CCDC7: variants seen among roughly 807,000 people sequenced by gnomAD.
CCDC7 encodes the protein coiled-coil domain containing 7.
A neutral mutation model predicts 196.9 loss-of-function variants in CCDC7; 183 were observed. The observed-to-expected ratio is 0.93, with a 90% CI of 0.82 to 1.05. The LOEUF (loss-of-function observed/expected upper bound fraction) is 1.05, where lower values mean the gene tolerates loss of function less well. Ranked by LOEUF, CCDC7 falls within the 50% of genes least tolerant of loss-of-function variation. The pLI, the probability that CCDC7 is intolerant of heterozygous loss-of-function variation, is 0.00. For missense variants in CCDC7, 1,540 were observed against 1,482.2 expected (o/e 1.04, Z -0.64); for synonymous variants, 525 against 484.6 (o/e 1.08, Z -1.10).
chr10:32,790,577 T>G (rs1179483332), intron 29 of CCDC7, among the ~76,000 whole-genome samples: 1 of 152,196 alleles, frequency 6.6e-6, no homozygotes, highest in African/African-American at 2.4e-5. Flanking sequence ...CTGGGTTACC[T>G]CCTCTCTCAA....
At chr10:32,875,779 G>A (rs557722136) in intron 41 of CCDC7, among the ~76,000 whole-genome samples, 61 of 152,050 alleles carry the variant, frequency 4.0e-4, no homozygotes, top group African/African-American at 1.2e-3. Context: ...GCCTAAAATG[G>A]ACTTGCTGTT....
intron 31 of CCDC7, among the ~76,000 whole-genome samples, chr10:32,818,167 A>G (rs1367558880): frequency 3.3e-5 from 5 of 152,186 alleles, no homozygotes; most frequent in African/African-American, 4.8e-5. Flanking sequence ...TGGAAAACAA[A>G]AAAAGGCAAG....
chr10:32,447,219 A>AG (rs1287743344), upstream of CCDC7, among the ~76,000 whole-genome samples: 1 of 152,106 alleles, frequency 6.6e-6, no homozygotes, highest in East Asian at 1.9e-4. Flanking sequence ...GCCGTTCTTC[A>AG]GGTTACAAAT....
chr10:32,755,982 C>T (rs1350539261), intron 28 of CCDC7, among the ~76,000 whole-genome samples: 4 of 151,948 alleles, frequency 2.6e-5, no homozygotes, highest in Admixed American at 6.6e-5. Context: ...GTAGCCAATT[C>T]AATCAAGTGG....
At chr10:32,486,041 C>T (rs2041007637) in intron 8 of CCDC7, among the ~76,000 whole-genome samples, 1 of 152,150 alleles carries the variant, frequency 6.6e-6, no homozygotes, top group African/African-American at 2.4e-5. Flanking sequence ...AGTTCAATTC[C>T]TGGATATCCT....
chr10:32,610,629 G>T (rs1452860381), intron 18 of CCDC7, among the ~76,000 whole-genome samples: 2 of 152,104 alleles, frequency 1.3e-5, no homozygotes, highest in Admixed American at 6.6e-5. Flanking sequence ...GAGCCCATAT[G>T]TTCTCATTGT....
At chr10:32,509,422 C>T (rs2045742954) in intron 9 of CCDC7, among the ~76,000 whole-genome samples, 1 of 151,506 alleles carries the variant, frequency 6.6e-6, no homozygotes, top group South Asian at 2.1e-4. Flanking sequence ...AAAAACTTAC[C>T]TGTATGAGCT....
Position 32,837,944 on chromosome 10 carries a change from A to T in CCDC7, c.3352+3046A>T, listed in dbSNP as rs1231838011. ...TTGTTGTGGGGTCGGGGGAGGGGGGAGGGATAGCATTAGGACATATACCTA... is the reference window on the plus strand; with the variant it reads ...TTGTTGTGGGGTCGGGGGAGGGGGGTGGGATAGCATTAGGACATATACCTA... On this transcript the variant is annotated intron_variant, in intron 33 of 41. Transcript: ENST00000639629. Among the ~76,000 whole-genome samples the T allele has an allele frequency of 6.7e-5, 8 of 119,838 alleles. No homozygotes were observed. The South Asian group carries it at 1.0e-3, about 15-fold the overall frequency. The allele number at this position is 119,838 out of a possible 152,430, so 78.6% of individuals were successfully genotyped here. A position where few individuals can be genotyped will look rare whatever the true frequency, so the allele number is the denominator to read the frequency against.
At chr10:32,455,279 A>ATATTTATTTATT (rs72086158) in intron 2 of CCDC7, among the ~76,000 whole-genome samples, 63 of 146,974 alleles carry the variant, frequency 4.3e-4, no homozygotes, top group African/African-American at 1.5e-3. Context: ...GCCTCTCAGC[A>ATATTTATTTATT]TATTTATTTA....
chr10:32,667,445 A>C (rs1217389208), intron 21 of CCDC7, among the ~76,000 whole-genome samples: 1 of 152,150 alleles, frequency 6.6e-6, no homozygotes, highest in African/African-American at 2.4e-5. Context: ...GTCTTTACCC[A>C]TGCCTATGTC....
intron 18 of CCDC7, among the ~76,000 whole-genome samples, chr10:32,586,746 G>C (rs1022748876): frequency 1.3e-5 from 2 of 152,048 alleles, no homozygotes; most frequent in Admixed American, 6.6e-5. Flanking sequence ...ATCTGTTTTG[G>C]TACCAGTACC....
intron 21 of CCDC7, among the ~76,000 whole-genome samples, chr10:32,664,829 C>A (rs1308330183): frequency 6.6e-6 from 1 of 151,890 alleles, no homozygotes; most frequent in Non-Finnish European, 1.5e-5. Context: ...GGAGGTACAT[C>A]CAGAGGTGAA....
chr10:32,786,290 A>T (rs2081862432), intron 29 of CCDC7, among the ~76,000 whole-genome samples: 1 of 152,220 alleles, frequency 6.6e-6, no homozygotes, highest in African/African-American at 2.4e-5. Context: ...GGGAAGGGAG[A>T]AAAGATAATC....
chr10:32,712,615 G>A (rs1042670454), intron 25 of CCDC7, among the ~76,000 whole-genome samples: 1 of 152,192 alleles, frequency 6.6e-6, no homozygotes, highest in Non-Finnish European at 1.5e-5. Flanking sequence ...GATAGTTGGG[G>A]AATTTTGGAA....
intron 21 of CCDC7, among the ~76,000 whole-genome samples, chr10:32,667,602 C>G (rs1359324186): frequency 6.6e-6 from 1 of 152,118 alleles, no homozygotes; most frequent in Non-Finnish European, 1.5e-5. Flanking sequence ...GCCAGTTTTC[C>G]CAGCACCATT....
chr10:32,502,872 T>G (rs1639075491), intron 9 of CCDC7, among the ~76,000 whole-genome samples: 1 of 152,230 alleles, frequency 6.6e-6, no homozygotes, highest in South Asian at 2.1e-4. Flanking sequence ...CTTTCACTTC[T>G]TTGATTAAGT....
chr10:32,657,415 C>A (rs759869503), intron 20 of CCDC7, among the ~76,000 whole-genome samples: 1 of 152,234 alleles, frequency 6.6e-6, no homozygotes, highest in African/African-American at 2.4e-5. Flanking sequence ...GGCAGAAGTT[C>A]CCAAATCTCA....
intron 18 of CCDC7, among the ~76,000 whole-genome samples, chr10:32,600,717 A>G (rs945704860): frequency 2.6e-5 from 4 of 152,260 alleles, no homozygotes; most frequent in South Asian, 2.1e-4. Context: ...ATTTCTTATT[A>G]ATTTGTCTTT....
intron 13 of CCDC7, among the ~76,000 whole-genome samples, chr10:32,545,591 G>A (rs1187922017): frequency 2.0e-5 from 3 of 152,110 alleles, no homozygotes; most frequent in Non-Finnish European, 4.4e-5. Flanking sequence ...AGATCCAAAG[G>A]GTACACAATA....
Sources: allele counts gnomAD v4.1 joint callset (sites outside exome capture counted in the v4.1 genomes callset), GRCh38; gene constraint gnomAD v4.1.1; transcripts MANE v1.5; gene names NCBI Gene and HGNC (gene_info 2026-07-23, HGNC 2026-07-21).